GPRIN3: variants seen among roughly 807,000 people sequenced by gnomAD.
The protein encoded by GPRIN3 is G protein-regulated inducer of neurite outgrowth 3.
GPRIN3 carries 12 observed loss-of-function variants against 13.7 expected under a neutral mutation model. That is an observed-to-expected ratio of 0.87 (90% CI 0.56 to 1.42). The LOEUF (loss-of-function observed/expected upper bound fraction) is 1.42. GPRIN3 is among the 40% of genes most tolerant of loss of function. The probability of loss-of-function intolerance (pLI) is 0.00; values close to 1 mark genes in which losing one functional copy is unlikely to be tolerated. For synonymous variants in GPRIN3, 377 were observed against 372.7 expected, an observed-to-expected ratio of 1.01 and a Z score of -0.13; for missense variants, 1,009 against 958.7, an observed-to-expected ratio of 1.05 and a Z score of -0.69.
chr4:89,290,475 T>C (rs545154120), intron 1 of GPRIN3, among the ~76,000 whole-genome samples: 5 of 152,144 alleles, frequency 3.3e-5, no homozygotes, highest in Admixed American at 1.3e-4. Flanking sequence ...GCAGGAAGGA[T>C]CCATTTCTCA....
At position 89,289,328 on chromosome 4, in the gene GPRIN3, T is replaced by C. The variant is rs192324854; in HGVS notation, c.-124+18287A>G. ...TCAACATAATTCTGCCAAAACAAAC[T>C]TTCCCTCTTGACATCACTAATTCTG... On this transcript the variant is annotated intron_variant, in intron 1 of 1. Transcript: ENST00000609438. 2.2e-4 allele frequency among the ~76,000 whole-genome samples: 34 copies of C among 151,966 alleles called. No individual in the cohort carries two copies. In the East Asian group the frequency reaches 5.2e-3, roughly 23 times the overall value.
intron 1 of GPRIN3, among the ~76,000 whole-genome samples, chr4:89,263,685 A>G (rs1244988196): frequency 6.6e-6 from 1 of 152,210 alleles, no homozygotes; most frequent in Non-Finnish European, 1.5e-5. Context: ...GTCCTGCAGC[A>G]TTATTGTCAT....
chr4:89,270,014 C>T (rs1211517517), intron 1 of GPRIN3, among the ~76,000 whole-genome samples: 1 of 152,150 alleles, frequency 6.6e-6, no homozygotes, highest in Non-Finnish European at 1.5e-5. Flanking sequence ...GCTTGAGTAT[C>T]TTTAATTCTC....
At chr4:89,299,034 G>T (rs988772208) in intron 1 of GPRIN3, among the ~76,000 whole-genome samples, 6 of 152,082 alleles carry the variant, frequency 3.9e-5, no homozygotes, top group Non-Finnish European at 8.8e-5. Flanking sequence ...TCGTAAAAGA[G>T]CATAAACATT....
At chr4:89,283,744 G>T (rs1003958572) in intron 1 of GPRIN3, among the ~76,000 whole-genome samples, 2 of 152,162 alleles carry the variant, frequency 1.3e-5, no homozygotes, top group Non-Finnish European at 2.9e-5. Context: ...GGAGGAAAGG[G>T]CATTTCAGGT....
At chr4:89,301,878 TTG>T (rs1561236425) in intron 1 of GPRIN3, among the ~76,000 whole-genome samples, 1 of 152,148 alleles carries the variant, frequency 6.6e-6, no homozygotes, top group Non-Finnish European at 1.5e-5. Flanking sequence ...ATGCCTGACA[TTG>T]TGAGTTTTTA....
At chr4:89,253,195 G>C (rs13106955) in intron 1 of GPRIN3, among the ~76,000 whole-genome samples, 88,353 of 151,854 alleles carry the variant, frequency 0.58, 26,506 homozygotes, top group African/African-American at 0.72. Context: ...GTTGACTCCA[G>C]AGGACACAGT....
In GPRIN3 at chr4:89,241,212, A is replaced by T. The variant is rs1156607436; in HGVS notation, c.*6568T>A. 1 of 152,118 alleles carries T rather than the reference A, an allele frequency of 6.6e-6. No homozygotes were observed. Among genetic ancestry groups the T allele is most frequent in the Non-Finnish European group, 1.5e-5 (1 of 68,010 alleles). The allele number at this position is 152,118 out of a possible 1,614,324, so 9.4% of individuals were successfully genotyped here. ...TACCTACTCAAGGAGATGATAAAAA[A>T]AAAACACAAATCAAACAGCCCTTTC... On this transcript the variant is annotated 3_prime_UTR_variant, in exon 2 of 2. Transcript: ENST00000609438.
chr4:89,254,707 C>T (rs189004835), intron 1 of GPRIN3, among the ~76,000 whole-genome samples: 73 of 152,150 alleles, frequency 4.8e-4, no homozygotes, highest in African/African-American at 1.6e-3. Context: ...TGTGTCTTTA[C>T]GACAGAACGA....
intron 1 of GPRIN3, among the ~76,000 whole-genome samples, chr4:89,293,287 C>G (rs1177010950): frequency 6.6e-6 from 1 of 152,246 alleles, no homozygotes; most frequent in Non-Finnish European, 1.5e-5. Context: ...TTTTGTACCA[C>G]TGTCTTAGAT....
At position 89,249,233 on chromosome 4, in the gene GPRIN3, G is replaced by A. The variant is rs751672527; in HGVS notation, c.878C>T (p.Ser293Leu). ...CATCGTACTGGCTTCTTTGAACCTT[G>A]ACATCTGACGCTGTGCTGGCAGCGG... ...KVPLPAQRQMSRFKEASTMTN... is the reference protein window; with the variant it reads ...KVPLPAQRQMLRFKEASTMTN... Residue 293 changes from serine (S) to leucine (L), a missense_variant, in exon 2 of 2, where the codon TCA (serine) becomes TTA (leucine). Physicochemically the swap from Ser to Leu is moderately radical, Grantham distance 145. Coordinates refer to ENST00000609438, the MANE Select transcript of GPRIN3 (RefSeq NM_198281.3). 1.9e-6 allele frequency: 3 copies of A among 1,614,096 alleles called. No homozygotes were observed. Among genetic ancestry groups the A allele is most frequent in the Non-Finnish European group, 8.5e-7 (1 of 1,180,034 alleles).
Position 89,237,281 on chromosome 4 carries a change from A to C in GPRIN3, c.*10499T>G, listed in dbSNP as rs986722987. On this transcript the variant is annotated 3_prime_UTR_variant, in exon 2 of 2. Transcript: ENST00000609438. ...TAAACATTTTAGAACTCTGTCAATT[A>C]GCTCAGTGGTTGTGTAGAATGGTGT... 6.6e-6 allele frequency: 1 copy of C among 152,232 alleles called. No homozygotes were observed. Among genetic ancestry groups the C allele is most frequent in the African/African-American group, 2.4e-5 (1 of 41,460 alleles). The allele number at this position is 152,232 out of a possible 1,614,324, so 9.4% of individuals were successfully genotyped here. A position where few individuals can be genotyped will look rare whatever the true frequency, so the allele number is the denominator to read the frequency against.
chr4:89,305,845 G>A (rs567638711), intron 1 of GPRIN3, among the ~76,000 whole-genome samples: 2 of 152,284 alleles, frequency 1.3e-5, no homozygotes, highest in East Asian at 3.9e-4. Flanking sequence ...AATTGACACT[G>A]ATCTGACTCA....
chr4:89,261,015 C>T (rs1001639319), intron 1 of GPRIN3, among the ~76,000 whole-genome samples: 2 of 152,090 alleles, frequency 1.3e-5, no homozygotes, highest in African/African-American at 4.8e-5. Context: ...CAAAACACAA[C>T]CCCCGCCCCC....
At chr4:89,286,923 T>C (rs955687934) in intron 1 of GPRIN3, among the ~76,000 whole-genome samples, 3 of 152,140 alleles carry the variant, frequency 2.0e-5, no homozygotes, top group Admixed American at 6.5e-5. Context: ...CCCAGGAGTT[T>C]GAGGCTATAG....
chr4:89,260,394 A>G (rs907610256), intron 1 of GPRIN3, among the ~76,000 whole-genome samples: 1 of 152,208 alleles, frequency 6.6e-6, no homozygotes, highest in African/African-American at 2.4e-5. Flanking sequence ...TGGGGCCACA[A>G]TCTTCAGGTT....
intron 1 of GPRIN3, among the ~76,000 whole-genome samples, chr4:89,298,147 C>A: frequency 6.6e-6 from 1 of 152,222 alleles, no homozygotes; most frequent in South Asian, 2.1e-4. Flanking sequence ...AGAAATTTCT[C>A]GTAGTACACA....
At chr4:89,301,330 T>C (rs1367786) in intron 1 of GPRIN3, among the ~76,000 whole-genome samples, 3 of 152,078 alleles carry the variant, frequency 2.0e-5, no homozygotes, top group Admixed American at 1.3e-4. Flanking sequence ...CAAGAAAAAC[T>C]TCTATGTTAT....
Position 89,246,588 on chromosome 4 carries a change from T to C in GPRIN3, c.*1192A>G, listed in dbSNP as rs1723108268. The C allele has an allele frequency of 6.6e-6, 1 of 152,206 alleles. No homozygotes were observed. Among genetic ancestry groups the C allele is most frequent in the Non-Finnish European group, 1.5e-5 (1 of 68,052 alleles). The allele number at this position is 152,206 out of a possible 1,614,324, so 9.4% of individuals were successfully genotyped here. A position where few individuals can be genotyped will look rare whatever the true frequency, so the allele number is the denominator to read the frequency against. On this transcript the variant is annotated 3_prime_UTR_variant, in exon 2 of 2. Transcript: ENST00000609438. ...TTGAAGGATATTATGGGTATTTCTC[T>C]TAAAATCAATAAGTTTGCAGAAGTT...
Sources: allele counts gnomAD v4.1 joint callset (sites outside exome capture counted in the v4.1 genomes callset), GRCh38; gene constraint gnomAD v4.1.1; transcripts MANE v1.5; gene names NCBI Gene and HGNC (gene_info 2026-07-23, HGNC 2026-07-21).